The following IL1R1 variants were observed in gnomAD, a reference collection of about 807,000 sequenced individuals.
IL1R1 encodes interleukin-1 receptor type 1.
Under a neutral mutation model 50.2 loss-of-function variants are expected in IL1R1, and 22 were observed. The observed-to-expected ratio is 0.44, with a 90% CI of 0.31 to 0.63. The LOEUF (loss-of-function observed/expected upper bound fraction) is 0.63. Ranked by LOEUF, IL1R1 falls within the 20% of genes least tolerant of loss-of-function variation. IL1R1 has a pLI of 0.07. For synonymous variants in IL1R1, 251 were observed against 236.7 expected (o/e 1.06, Z -0.55); for missense variants, 509 against 676.2 (o/e 0.75, Z 2.74).
intron 1 of IL1R1, among the ~76,000 whole-genome samples, chr2:102,112,052 G>A (rs1050945333): frequency 2.0e-5 from 3 of 151,964 alleles, no homozygotes; most frequent in East Asian, 1.9e-4. Flanking sequence ...ATTATGCATC[G>A]TCTTTCATGC....
Position 102,085,587 on chromosome 2 carries a change from A to C in IL1R1, c.-84+15054A>C, listed in dbSNP as rs193248762. Among the ~76,000 whole-genome samples the C allele has an allele frequency of 8.2e-3, 1,239 of 151,664 alleles. 10 individuals carry two copies. The highest frequency in any genetic ancestry group is 0.031 in the Middle Eastern group (9 of 294). On this transcript the variant is annotated intron_variant, in intron 1 of 11. Coordinates refer to the IL1R1 transcript ENST00000409929. ...TCTATTGCATTGGCCAGTTTGTATA[A>C]ATTTTCACTGAAATGCTGTCCTAAT...
At chr2:102,095,523 A>G (rs936294903) in intron 1 of IL1R1, among the ~76,000 whole-genome samples, 1 of 152,244 alleles carries the variant, frequency 6.6e-6, no homozygotes, top group Non-Finnish European at 1.5e-5. Context: ...GGTTGAAAAC[A>G]ACATGCACCC....
intron 1 of IL1R1, among the ~76,000 whole-genome samples, chr2:102,129,284 A>G (rs1681899830): frequency 6.6e-6 from 1 of 151,854 alleles, no homozygotes; most frequent in Non-Finnish European, 1.5e-5. Flanking sequence ...AACAACAACA[A>G]CAACAACAAC....
intron 1 of IL1R1, among the ~76,000 whole-genome samples, chr2:102,137,603 T>C (rs1682418131): frequency 6.6e-6 from 1 of 152,178 alleles, no homozygotes; most frequent in Non-Finnish European, 1.5e-5. Context: ...AGACTGAGTG[T>C]TCTAAGAGTC....
chr2:102,109,877 C>T (rs1032585175), intron 1 of IL1R1, among the ~76,000 whole-genome samples: 1 of 152,166 alleles, frequency 6.6e-6, no homozygotes, highest in Non-Finnish European at 1.5e-5. Context: ...AGGGCGGCTT[C>T]GTTTCTCCTG....
chr2:102,089,354 ACAG>A (rs1337733130), intron 1 of IL1R1, among the ~76,000 whole-genome samples: 2 of 152,216 alleles, frequency 1.3e-5, no homozygotes, highest in African/African-American at 4.8e-5. Flanking sequence ...GGTCTGTGGG[ACAG>A]TCAGAACACA....
At position 102,166,144 on chromosome 2, in the gene IL1R1, A is replaced by G. The variant is rs148877966; in HGVS notation, c.518A>G (p.His173Arg). 64 of 1,613,662 alleles carry G rather than the reference A, an allele frequency of 4.0e-5. No homozygotes were observed. The Middle Eastern group carries it at 8.2e-4, about 21-fold the overall frequency. ...AAACCTCTACTTCTTGACAATATAC[A>G]CTTTAGTGGAGTCAAAGATAGGCTC... is the stretch of plus-strand genomic sequence containing the variant. ...DCKPLLLDNI[H>R]FSGVKDRLIV... is the part of the protein sequence containing the mutation. Residue 173 changes from histidine to arginine, a missense_variant, in exon 6 of 12, where the codon CAC (histidine) becomes CGC (arginine). Coordinates refer to ENST00000410023, the MANE Select transcript of IL1R1 (RefSeq NM_000877.4).
Position 102,165,172 on chromosome 2 carries a change from T to A in IL1R1, c.354T>A (p.Pro118=), listed in dbSNP as rs759473504. 6.3e-7 allele frequency: 1 copy of A among 1,594,968 alleles called. No homozygotes were observed. Among genetic ancestry groups the A allele is most frequent in the Non-Finnish European group, 8.5e-7 (1 of 1,174,676 alleles). The change falls in exon 5 of 12, where the codon CCT becomes CCA. Residue 118 remains proline, a synonymous_variant. Transcript: ENST00000410023. ...KISAKFVENE[P]NLCYNAQAIF... ...GTGCAAAATTTGTGGAGAATGAGCCTAACTTATGTTATAATGCACAAGCCA... is the reference window on the plus strand; with the variant it reads ...GTGCAAAATTTGTGGAGAATGAGCCAAACTTATGTTATAATGCACAAGCCA...
Position 102,095,107 on chromosome 2 carries a change from G to A in IL1R1, c.-84+24574G>A, listed in dbSNP as rs377731220. Among the ~76,000 whole-genome samples the A allele has an allele frequency of 3.5e-4, 53 of 152,236 alleles. 1 individual carries two copies. In the South Asian group the frequency reaches 9.7e-3, roughly 28 times the overall value. On this transcript the variant is annotated intron_variant, in intron 1 of 11. Coordinates refer to the IL1R1 transcript ENST00000409929. ...CTAAGAGTTTAACCTTTCAGCTTTA[G>A]GCCCCTCCCCCAACACGGTGTCCTT...
chr2:102,133,209 A>G (rs1577921140), intron 1 of IL1R1, among the ~76,000 whole-genome samples: 1 of 140,248 alleles, frequency 7.1e-6, no homozygotes, highest in African/African-American at 2.8e-5. Flanking sequence ...GTGCCACTGC[A>G]CTCCAGCCTG....
intron 1 of IL1R1, among the ~76,000 whole-genome samples, chr2:102,118,192 T>C (rs947740784): frequency 1.3e-5 from 2 of 152,040 alleles, no homozygotes; most frequent in African/African-American, 4.8e-5. Flanking sequence ...AGGCTGGAGA[T>C]TGAGTTAATG....
chr2:102,074,404 T>TGCCCATGTCATCTCTGGGCCTCTCC (rs1553621228), intron 1 of IL1R1, among the ~76,000 whole-genome samples: 18,768 of 114,664 alleles, frequency 0.16, 2,504 homozygotes, highest in African/African-American at 0.39. Context: ...TGGGCCTATC[T>TGCCCATGTCATCTCTGGGCCTCTCC]GCCCATGTCA....
intron 1 of IL1R1, among the ~76,000 whole-genome samples, chr2:102,146,874 C>T (rs979348365): frequency 2.0e-5 from 3 of 152,298 alleles, no homozygotes; most frequent in African/African-American, 7.2e-5. Context: ...ATCCTGATCA[C>T]CCAGGGTCCC....
intron 1 of IL1R1, among the ~76,000 whole-genome samples, chr2:102,105,746 C>G (rs901361117): frequency 3.3e-5 from 5 of 152,196 alleles, no homozygotes; most frequent in Admixed American, 3.3e-4. Flanking sequence ...CTTGTACACG[C>G]TTTCTTCAAT....
At chr2:102,113,141 C>T (rs900792548) in intron 1 of IL1R1, among the ~76,000 whole-genome samples, 3 of 152,214 alleles carry the variant, frequency 2.0e-5, no homozygotes, top group Admixed American at 6.5e-5. Context: ...TAAGACACTG[C>T]GTTCAATCAG....
At chr2:102,079,923 A>G (rs1679134260) in intron 1 of IL1R1, among the ~76,000 whole-genome samples, 1 of 152,202 alleles carries the variant, frequency 6.6e-6, no homozygotes, top group African/African-American at 2.4e-5. Context: ...AAGAATTCAG[A>G]AATATGCCCT....
chr2:102,095,531 C>T (rs1679859043), intron 1 of IL1R1, among the ~76,000 whole-genome samples: 1 of 152,110 alleles, frequency 6.6e-6, no homozygotes, highest in African/African-American at 2.4e-5. Context: ...ACAACATGCA[C>T]CCATGAACTT....
At chr2:102,134,903 T>C (rs1682257306) in intron 1 of IL1R1, among the ~76,000 whole-genome samples, 1 of 152,210 alleles carries the variant, frequency 6.6e-6, no homozygotes, top group Admixed American at 6.5e-5. Context: ...TACCTACACC[T>C]GTTTTTCACG....
At chr2:102,151,524 G>T (rs1473387898) in intron 1 of IL1R1, among the ~76,000 whole-genome samples, 1 of 152,120 alleles carries the variant, frequency 6.6e-6, no homozygotes, top group East Asian at 1.9e-4. Context: ...TGTAGGATGG[G>T]CCTCCTCATG....
Sources: allele counts gnomAD v4.1 joint callset (sites outside exome capture counted in the v4.1 genomes callset), GRCh38; gene constraint gnomAD v4.1.1; transcripts MANE v1.5; gene names NCBI Gene and HGNC (gene_info 2026-07-23, HGNC 2026-07-21).